The following FLNC variants were observed in gnomAD, a reference collection of about 807,000 sequenced individuals.
FLNC encodes the protein filamin C.
FLNC carries 91 observed loss-of-function variants against 254.3 expected under a neutral mutation model. That is an observed-to-expected ratio of 0.36 (90% confidence interval 0.30 to 0.43). The LOEUF (loss-of-function observed/expected upper bound fraction) is 0.43. Among genes scored for constraint, FLNC ranks in the 20% least tolerant of loss-of-function variants. FLNC has a pLI of 1.00. For synonymous variants in FLNC, 1,430 were observed against 1,577.2 expected (o/e 0.91, Z 2.21); for missense variants, 2,853 against 3,802.6 (o/e 0.75, Z 6.57).
At position 128,835,299 on chromosome 7, in the gene FLNC, A is replaced by G; in HGVS notation, c.353-27A>G. 1 of 1,612,022 alleles carries G rather than the reference A, an allele frequency of 6.2e-7. No homozygotes were observed. ...GGCAGTGGAGGGTGGGGCGCCCCTG[A>G]GCCCGTCTGTGCCCTCCCCTCTGCA... is the stretch of plus-strand genomic sequence containing the variant. On this transcript the variant is annotated intron_variant, in intron 1 of 47. Transcript: ENST00000325888. This position sits in a 1 kb window ranked among gnomAD's most constrained non-coding sequence, Gnocchi z 5.3.
In FLNC at chr7:128,849,137, C is replaced by T. The variant is rs373701995; in HGVS notation, c.4928-44C>T. The stretch of plus-strand genomic sequence containing the variant: ...CCTCACCCCCGCCCAATGCCCCAGC[C>T]CACGTTGAGCACCGCCTGGCCTCAC... On this transcript the variant is annotated intron_variant, in intron 28 of 47. Coordinates refer to ENST00000325888, the MANE Select transcript of FLNC (RefSeq NM_001458.5). The T allele has an allele frequency of 5.8e-5, 93 of 1,607,470 alleles. No individual in the cohort carries two copies. In the African/African-American group the frequency reaches 1.1e-3, roughly 20 times the overall value.
intron 37 of FLNC, 115 bp from the exon 38 acceptor site, chr7:128,853,354 G>A: frequency 2.2e-6 from 3 of 1,338,528 alleles, no homozygotes; most frequent in Non-Finnish European, 2.1e-6. Context: ...TTTTGTTAGT[G>A]GTCACTACAC....
chr7:128,849,794 GTC>G, intron 30 of FLNC, among the ~76,000 whole-genome samples, 180 bp from the exon 31 acceptor site: 1 of 152,346 alleles, frequency 6.6e-6, no homozygotes, highest in South Asian at 2.1e-4. Flanking sequence ...GCTGTCAGCT[GTC>G]TCTGGAGGAA....
At chr7:128,837,130 C>T (rs1376183511) in intron 2 of FLNC, 30 bp from the exon 3 acceptor site, 6 of 1,496,778 alleles carry the variant, frequency 4.0e-6, no homozygotes. Flanking sequence ...GGCTGCCCCT[C>T]ACCATCGTCT....
At chr7:128,848,495 T>G (rs1235152352) in intron 26 of FLNC, 66 bp from the exon 27 acceptor site, 1,266 of 1,521,058 alleles carry the variant, frequency 8.3e-4, no homozygotes, top group Non-Finnish European at 1.1e-3. Context: ...TGGCTCAAGA[T>G]GAGATCACCC....
At position 128,844,836 on chromosome 7, in the gene FLNC, C is replaced by A. The variant is rs375013141; in HGVS notation, c.3371C>A (p.Thr1124Lys). ...TCATGTGCTGTCAGCTACCTGCCCA[C>A]GGAGCCTGGCGAGTACACCATCAAC... ...DGSCAVSYLP[T>K]EPGEYTINIL... is the part of the protein sequence containing the mutation. The change falls in exon 21 of 48, where the codon ACG becomes AAG. Residue 1124 changes from threonine (T) to lysine (K), a missense_variant. This residue lies in a region of FLNC where 1,573 missense variants were observed against 1,883.5 expected (regional missense o/e 0.84). Coordinates refer to ENST00000325888, the MANE Select transcript of FLNC (RefSeq NM_001458.5). 4.3e-6 allele frequency: 7 copies of A among 1,613,988 alleles called. No individual in the cohort carries two copies. In the South Asian group the frequency reaches 7.7e-5, roughly 18 times the overall value.
Position 128,854,235 on chromosome 7 carries a change from G to A in FLNC, c.6727+19G>A, listed in dbSNP as rs1158659832. On this transcript the variant is annotated intron_variant, in intron 40 of 47. Transcript: ENST00000325888. ...CAGGAGGGTGAGCACCGCACACTGG[G>A]CCGGCCGGGTCCTCACGGCGGGATG... 6.2e-7 allele frequency: 1 copy of A among 1,605,180 alleles called. No individual in the cohort carries two copies. Among genetic ancestry groups the A allele is most frequent in the Non-Finnish European group, 8.5e-7 (1 of 1,176,228 alleles).
In FLNC at chr7:128,841,068, G is replaced by C; in HGVS notation, c.1813+98G>C. 1.3e-6 allele frequency: 2 copies of C among 1,570,506 alleles called. No homozygotes were observed. Among genetic ancestry groups the C allele is most frequent in the Non-Finnish European group, 1.7e-6 (2 of 1,148,022 alleles). ...CAGTGCGCATGCTGGGGAGCGCTGG[G>C]GTGAGCAGGGAGATAGGACATGAGG... On this transcript the variant is annotated intron_variant, in intron 11 of 47. Coordinates refer to ENST00000325888, the MANE Select transcript of FLNC (RefSeq NM_001458.5). The surrounding 1 kb of genome is among the most constrained non-coding windows in gnomAD (Gnocchi z 4.3).
In FLNC at chr7:128,844,715, T is replaced by TC; in HGVS notation, c.3252dup (p.Ile1085HisfsTer30). 1 of 1,613,780 alleles carries TC rather than the reference T, an allele frequency of 6.2e-7. No homozygotes were observed. The highest frequency in any genetic ancestry group is 1.3e-5 in the African/African-American group (1 of 75,044). On this transcript the variant is annotated frameshift_variant, in exon 21 of 48. Coordinates refer to ENST00000325888, the MANE Select transcript of FLNC (RefSeq NM_001458.5). LOFTEE classifies it high-confidence loss of function. ...ACTGGTAGGCACCCCCGCGCCATTC[T>TC]CCATCGACACCAAGGGGGCTGGCAC...
chr7:128,858,069 G>A lies in FLNC; in HGVS notation c.7842G>A (p.Val2614=). The A allele has an allele frequency of 6.2e-7, 1 of 1,612,266 alleles. No individual in the cohort carries two copies. The highest frequency in any genetic ancestry group is 8.5e-7 in the Non-Finnish European group (1 of 1,179,162). Residue 2614 remains valine, a synonymous_variant, in exon 47 of 48, where the codon GTG becomes GTA. Transcript: ENST00000325888. This position sits in a 1 kb window ranked among gnomAD's most constrained non-coding sequence, Gnocchi z 6.7. ...HETSTVLVET[V]TKSSSSRGSS... The stretch of plus-strand genomic sequence containing the variant: ...CATCCACGGTTCTGGTGGAGACTGT[G>A]ACCAAGTCCTCCTCAAGCCGGGGCT...
Position 128,835,954 on chromosome 7 carries a change from G to C in FLNC, c.601+380G>C, listed in dbSNP as rs1195694460. Among the ~76,000 whole-genome samples, 3 of 152,172 alleles carry C rather than the reference G, an allele frequency of 2.0e-5. No homozygotes were observed. The highest frequency in any genetic ancestry group is 4.4e-5 in the Non-Finnish European group (3 of 68,024). ...TGTGCCACGAGGCACTATTCCTGCC[G>C]AGCTGAGAGAGAGGCAGTGTGGTGA... On this transcript the variant is annotated intron_variant, in intron 2 of 47. Transcript: ENST00000325888. This position sits in a 1 kb window ranked among gnomAD's most constrained non-coding sequence, Gnocchi z 5.3.
intron 21 of FLNC, among the ~76,000 whole-genome samples, chr7:128,845,699 AC>A (rs1405255448): frequency 1.3e-5 from 2 of 152,078 alleles, no homozygotes; most frequent in Non-Finnish European, 2.9e-5. Context: ...ACCCAGGCCC[AC>A]AGCCTGGTGG....
In FLNC at chr7:128,846,406, G is replaced by A; in HGVS notation, c.4070G>A (p.Gly1357Glu). ...GCDPTRVRAF[G>E]PGLEGGLVNK... is the part of the protein sequence containing the mutation. ...GATCCCACCCGCGTCCGAGCCTTCG[G>A]GCCAGGCCTGGAGGGTGGCTTGGTC... The change falls in exon 23 of 48, where the codon GGG becomes GAG. Residue 1357 changes from glycine (G) to glutamate (E), a missense_variant. Gly to Glu is a moderately conservative substitution (Grantham distance 98). This residue lies in a region of FLNC where 1,573 missense variants were observed against 1,883.5 expected (regional missense o/e 0.84). Coordinates refer to ENST00000325888, the MANE Select transcript of FLNC (RefSeq NM_001458.5). The A allele has an allele frequency of 6.2e-7, 1 of 1,608,678 alleles. No individual in the cohort carries two copies. The highest frequency in any genetic ancestry group is 8.5e-7 in the Non-Finnish European group (1 of 1,179,996).
In FLNC at chr7:128,843,067, C is replaced by T. The variant is rs552412459; in HGVS notation, c.2550+113C>T. 23 of 1,448,724 alleles carry T rather than the reference C, an allele frequency of 1.6e-5. No individual in the cohort carries two copies. In the South Asian group the frequency reaches 2.7e-4, roughly 17 times the overall value. 89.7% of individuals were successfully genotyped at this position (1,448,724 alleles called of 1,614,324 possible). A position where few individuals can be genotyped will look rare whatever the true frequency, so the allele number is the denominator to read the frequency against. On this transcript the variant is annotated intron_variant, in intron 16 of 47. Transcript: ENST00000325888. ...ATGATTCCGCAGACATGGTGGAGCC[C>T]TACCTGTGTGAGGCAGGGTGCCTCA...
At position 128,846,152 on chromosome 7, in the gene FLNC, C is replaced by T. The variant is rs181276444; in HGVS notation, c.3953C>T (p.Ala1318Val). 4 of 1,613,712 alleles carry T rather than the reference C, an allele frequency of 2.5e-6. No individual in the cohort carries two copies. In the Admixed American group the frequency reaches 6.7e-5, roughly 27 times the overall value. The change falls in exon 22 of 48, where the codon GCC becomes GTC. Residue 1318 changes from alanine (A) to valine (V), a missense_variant. Ala to Val is a moderately conservative substitution (Grantham distance 64, BLOSUM62 0). Coordinates refer to ENST00000325888, the MANE Select transcript of FLNC (RefSeq NM_001458.5). ...GDGTYRVQYT[A>V]YEEGVHLVEV... ...GGCACCTACCGAGTGCAGTACACCG[C>T]CTACGAGGAGGGTGAGGGCCGGTGG...
chr7:128,856,771 C>T lies in FLNC; in HGVS notation c.7411C>T (p.His2471Tyr), dbSNP rs768896980. The change falls in exon 45 of 48, where the codon CAC (histidine) becomes TAC (tyrosine). Residue 2471 changes from histidine (H) to tyrosine (Y), a missense_variant. His to Tyr is a moderately conservative substitution (Grantham distance 83). Around this residue, in one of 10 missense-constraint regions of FLNC, gnomAD observed 197 missense variants for 351.5 expected, o/e 0.56. Transcript: ENST00000325888. The surrounding 1 kb of genome is among the most constrained non-coding windows in gnomAD (Gnocchi z 5.9). ...SDKHTIRFIP[H>Y]ENGVHSIDVK... Reference sequence around the variant, plus strand: ...CAAGCACACCATCCGCTTCATCCCCCACGAGAATGGCGTCCACTCCATCGA... The same window carrying T: ...CAAGCACACCATCCGCTTCATCCCCTACGAGAATGGCGTCCACTCCATCGA... 6.2e-7 allele frequency: 1 copy of T among 1,614,220 alleles called. No homozygotes were observed. Among genetic ancestry groups the T allele is most frequent in the South Asian group, 1.1e-5 (1 of 91,078 alleles).
rs201333104 is a variant in FLNC at position 128,852,998 on chromosome 7, G to A, written c.6175G>A (p.Val2059Met). 1.2e-3 allele frequency: 1,968 copies of A among 1,613,380 alleles called. 1 individual carries two copies. Among genetic ancestry groups the A allele is most frequent in the Non-Finnish European group, 1.5e-3 (1,807 of 1,180,012 alleles). Residue 2059 changes from valine to methionine, a missense_variant, in exon 37 of 48, where the codon GTG (valine) becomes ATG (methionine). Transcript: ENST00000325888. ...KGLSEGHTFQ[V>M]AEFIVDTRNA... ...GCTTTCCGAGGGACACACATTCCAG[G>A]TGGCAGAGTTCATCGTGGACACTCG...
Position 128,851,307 on chromosome 7 carries a change from G to C in FLNC, c.5615G>C (p.Gly1872Ala). The C allele has an allele frequency of 1.9e-6, 3 of 1,614,110 alleles. No homozygotes were observed. The highest frequency in any genetic ancestry group is 2.5e-6 in the Non-Finnish European group (3 of 1,180,030). Residue 1872 changes from glycine (G) to alanine (A), a missense_variant, in exon 34 of 48, where the codon GGC becomes GCC. Physicochemically the swap from Gly to Ala is moderately conservative, Grantham distance 60. This residue lies in a region of FLNC where 551 missense variants were observed against 835.0 expected (regional missense o/e 0.66). Coordinates refer to ENST00000325888, the MANE Select transcript of FLNC (RefSeq NM_001458.5). ...GCCTATGGGCCAGGCCTGAGCCATGGCATGGTCAACAAGCCAGCCACCTTC... is the reference window on the plus strand; with the variant it reads ...GCCTATGGGCCAGGCCTGAGCCATGCCATGGTCAACAAGCCAGCCACCTTC... ...VSAYGPGLSH[G>A]MVNKPATFTI...
Position 128,843,556 on chromosome 7 carries a change from C to T in FLNC, c.2790C>T (p.Val930=), listed in dbSNP as rs199966433. The T allele has an allele frequency of 1.6e-4, 251 of 1,613,740 alleles. No homozygotes were observed. The highest frequency in any genetic ancestry group is 2.1e-4 in the Non-Finnish European group (243 of 1,180,026). ...IIDNHDYSYT[V]KYTAVQQGNM... ...ACAACCATGACTACTCCTACACTGT[C>T]AAGTACACCGCTGTCCAGCAGGTGC... The change falls in exon 18 of 48, where the codon GTC becomes GTT. Residue 930 remains valine (V), a synonymous_variant. Coordinates refer to ENST00000325888, the MANE Select transcript of FLNC (RefSeq NM_001458.5).
Sources: allele counts gnomAD v4.1 joint callset (sites outside exome capture counted in the v4.1 genomes callset), GRCh38; gene constraint gnomAD v4.1.1; regional missense constraint gnomAD v4.1.1; non-coding constraint Gnocchi (gnomAD v3.1); transcripts MANE v1.5; gene names NCBI Gene and HGNC (gene_info 2026-07-23, HGNC 2026-07-21).